The following SHPRH variants were observed in gnomAD, a reference collection of about 807,000 sequenced individuals.
The protein encoded by SHPRH is E3 ubiquitin-protein ligase SHPRH.
In SHPRH, 106 loss-of-function variants were observed where a neutral mutation model predicts 202.5. The ratio of observed to expected loss-of-function variants is 0.52; its 90% CI spans 0.45 to 0.62. The LOEUF (loss-of-function observed/expected upper bound fraction) is 0.62. Ranked by LOEUF, SHPRH falls within the 20% of genes least tolerant of loss-of-function variation. The pLI, the probability that SHPRH is intolerant of heterozygous loss-of-function variation, is 0.00. For missense variants in SHPRH, 1,710 were observed against 2,020.0 expected, an observed-to-expected ratio of 0.85 and a Z score of 2.94; for synonymous variants, 729 against 686.0, an observed-to-expected ratio of 1.06 and a Z score of -0.98.
chr6:145,943,851 A>G (rs774040728), intron 8 of SHPRH, 49 bp from the exon 9 acceptor site: 5 of 1,472,070 alleles, frequency 3.4e-6, no homozygotes, highest in Non-Finnish European at 4.6e-6. Flanking sequence ...TGCATTTCTG[A>G]AATTAAACTC....
intron 23 of SHPRH, among the ~76,000 whole-genome samples, chr6:145,914,357 C>T (rs1426578158): frequency 1.3e-5 from 2 of 152,128 alleles, no homozygotes; most frequent in African/African-American, 2.4e-5. Flanking sequence ...ACTTTGTAAA[C>T]AATCTATCAT....
intron 2 of SHPRH, chr6:145,877,711 T>C (rs906788201): frequency 3.9e-4 from 60 of 152,296 alleles, no homozygotes; most frequent in African/African-American, 1.4e-3. Context: ...CAACCTACCC[T>C]CTCTCTGAAG....
intron 25 of SHPRH, chr6:145,907,728 T>G (rs1185039175): frequency 1.3e-5 from 2 of 152,264 alleles, no homozygotes; most frequent in Middle Eastern, 3.4e-3. Context: ...TCATTCATCC[T>G]TTAGATACCT....
rs552789661 is a variant in SHPRH, at chr6:145,911,297, C to T, written c.4327-661G>A. On this transcript the variant is annotated intron_variant, in intron 24 of 29. Transcript: ENST00000275233. ...GATTACAAGCACCTGCTGCCACGAC[C>T]AGCTAATTTTTGTATTTTTAGTAGA... Among the ~76,000 whole-genome samples the T allele has an allele frequency of 3.3e-5, 5 of 152,094 alleles. No homozygotes were observed. In the South Asian group the frequency reaches 1.0e-3, roughly 32 times the overall value.
At chr6:145,867,631 T>TATATATATATATATATATAG (rs1554220329) in intron 2 of SHPRH, among the ~76,000 whole-genome samples, 2 of 22,320 alleles carry the variant, frequency 9.0e-5, no homozygotes, top group Non-Finnish European at 1.5e-4. Flanking sequence ...TATATATATA[T>TATATATATATATATATATAG]AGAGAGAGAG....
chr6:145,928,093 C>T (rs551338035), intron 14 of SHPRH, among the ~76,000 whole-genome samples: 1 of 151,906 alleles, frequency 6.6e-6, no homozygotes, highest in Non-Finnish European at 1.5e-5. Context: ...TTTCAGGGTC[C>T]ATAGTTTTAT....
exon 3 of SHPRH, chr6:145,864,335 AGAT>A: frequency 2.4e-6 from 1 of 411,676 alleles, no homozygotes; most frequent in Non-Finnish European, 5.1e-6. Context: ...AAATTGAAAA[AGAT>A]GATAAAAAAC....
chr6:145,945,331 A>C (rs1163471613), intron 8 of SHPRH, 50 bp downstream of exon 8: 2 of 1,542,654 alleles, frequency 1.3e-6, no homozygotes, highest in Non-Finnish European at 1.7e-6. Context: ...GTACTCAGTA[A>C]GGTATCACAT....
chr6:145,928,944 G>A (rs763446689), intron 14 of SHPRH, among the ~76,000 whole-genome samples: 1 of 151,810 alleles, frequency 6.6e-6, no homozygotes, highest in Non-Finnish European at 1.5e-5. Context: ...TTAGTTAAGA[G>A]TCTTGATTAA....
At chr6:145,881,032 T>G (rs1780541627), downstream of SHPRH, among the ~76,000 whole-genome samples, 1 of 152,210 alleles carries the variant, frequency 6.6e-6, no homozygotes, top group Non-Finnish European at 1.5e-5. Flanking sequence ...GCACATTTAT[T>G]TAAAATGTAA....
Position 145,947,642 on chromosome 6 carries a change from T to C in SHPRH, c.1063A>G (p.Ile355Val), listed in dbSNP as rs759149771. The C allele has an allele frequency of 4.3e-6, 7 of 1,611,540 alleles. No homozygotes were observed. The African/African-American group carries it at 9.4e-5, about 22-fold the overall frequency. ...CCAGAATTTGGGTACTCACGAATGA[T>C]GCTGAGGAAAAAAACAAGATAAATC... ...KLYYNPYTGC[I>V]IREYPNSGPQ... Residue 355 changes from isoleucine to valine, a missense_variant and splice_region_variant, in exon 6 of 30, where the codon ATC becomes GTC. By Grantham distance (29) the Ile-to-Val change is conservative. Transcript: ENST00000275233.
intron 22 of SHPRH, 129 bp from the exon 23 acceptor site, chr6:145,918,361 C>A (rs530801833): frequency 1.8e-6 from 1 of 553,474 alleles, no homozygotes; most frequent in Non-Finnish European, 2.8e-6. Flanking sequence ...TTCTAAAACA[C>A]AAGTTTTCAA....
At chr6:145,942,870 T>G (rs1268946744) in intron 9 of SHPRH, among the ~76,000 whole-genome samples, 1 of 152,178 alleles carries the variant, frequency 6.6e-6, no homozygotes, top group Non-Finnish European at 1.5e-5. Context: ...ATACCAAGAA[T>G]TTCTCATTTA....
intron 6 of SHPRH, 31 bp downstream of exon 6, chr6:145,947,462 T>C (rs573011609): frequency 6.2e-7 from 1 of 1,604,324 alleles, no homozygotes; most frequent in Non-Finnish European, 8.5e-7. Flanking sequence ...ATATGTCCCC[T>C]GCTTTTGCAA....
downstream of SHPRH, among the ~76,000 whole-genome samples, chr6:145,862,470 AAAAG>A (rs1432389698): frequency 2.0e-5 from 3 of 151,864 alleles, no homozygotes; most frequent in Non-Finnish European, 4.4e-5. Flanking sequence ...ACAAAAAACA[AAAAG>A]AAAAAACAAA....
chr6:145,870,349 C>T (rs1019807709), intron 2 of SHPRH, among the ~76,000 whole-genome samples: 7 of 150,690 alleles, frequency 4.6e-5, no homozygotes, highest in Non-Finnish European at 8.8e-5. Context: ...GCAAGCTCTG[C>T]CTCCCGGGTT....
At chr6:145,870,259 A>ATTTTTTTTTTTTTTTTTTTTTTTTTTTTT (rs146513776) in intron 2 of SHPRH, among the ~76,000 whole-genome samples, 3 of 107,740 alleles carry the variant, frequency 2.8e-5, no homozygotes, top group South Asian at 3.1e-4. Context: ...ATCGTTTCAG[A>ATTTTTTTTTTTTTTTTTTTTTTTTTTTTT]TTTTTTTTTT....
chr6:145,939,743 AGT>A (rs1786538031), intron 11 of SHPRH, among the ~76,000 whole-genome samples: 1 of 152,178 alleles, frequency 6.6e-6, no homozygotes, highest in African/African-American at 2.4e-5. Flanking sequence ...GTAACATTTA[AGT>A]GATGCAAATA....
chr6:145,881,824 G>C (rs1780592988), downstream of SHPRH, among the ~76,000 whole-genome samples: 1 of 152,088 alleles, frequency 6.6e-6, no homozygotes, highest in African/African-American at 2.4e-5. Context: ...GAAAAAAAGA[G>C]AGAATTAAAA....
Sources: allele counts gnomAD v4.1 joint callset (sites outside exome capture counted in the v4.1 genomes callset), GRCh38; gene constraint gnomAD v4.1.1; transcripts MANE v1.5; gene names NCBI Gene and HGNC (gene_info 2026-07-23, HGNC 2026-07-21).